The following FRMD4A variants were observed in gnomAD, a reference collection of about 807,000 sequenced individuals.
FRMD4A encodes the protein FERM domain containing 4A.
FRMD4A carries 29 observed loss-of-function variants against 129.1 expected under a neutral mutation model. That is an observed-to-expected ratio of 0.22 (90% confidence interval 0.17 to 0.31). The LOEUF is 0.31. Ranked by LOEUF, FRMD4A falls within the 10% of genes least tolerant of loss-of-function variation. The pLI, the probability that FRMD4A is intolerant of heterozygous loss-of-function variation, is 1.00. For synonymous variants in FRMD4A, 634 were observed against 571.6 expected (o/e 1.11, Z -1.56); for missense variants, 1,272 against 1,375.8 (o/e 0.92, Z 1.19).
At chr10:14,041,176 T>C (rs1588851235) in intron 2 of FRMD4A, among the ~76,000 whole-genome samples, 1 of 152,256 alleles carries the variant, frequency 6.6e-6, no homozygotes, top group Non-Finnish European at 1.5e-5. Context: ...GTTTTCTTGC[T>C]GAAATTGGAC....
chr10:14,157,232 C>CA (rs1366782197), intron 2 of FRMD4A, among the ~76,000 whole-genome samples: 1 of 152,200 alleles, frequency 6.6e-6, no homozygotes, highest in African/African-American at 2.4e-5. Context: ...TGAACCTACA[C>CA]AGTCTTCATA....
chr10:13,777,306 G>A (rs185018244), intron 6 of FRMD4A, among the ~76,000 whole-genome samples: 2 of 152,212 alleles, frequency 1.3e-5, no homozygotes, highest in Admixed American at 6.5e-5. Flanking sequence ...TCCATCTCAC[G>A]CAGAGATGCT....
chr10:14,133,971 C>T (rs1839400093), intron 2 of FRMD4A, among the ~76,000 whole-genome samples: 1 of 152,184 alleles, frequency 6.6e-6, no homozygotes, highest in Non-Finnish European at 1.5e-5. Flanking sequence ...GAACTTGTTT[C>T]TTGGTATCTG....
intron 2 of FRMD4A, among the ~76,000 whole-genome samples, chr10:14,012,732 A>G (rs1196576197): frequency 2.0e-5 from 3 of 152,108 alleles, no homozygotes; most frequent in Non-Finnish European, 2.9e-5. Flanking sequence ...CAGCCTGGTC[A>G]TTGCAGCCCA....
chr10:13,777,829 C>T (rs1415509290), intron 6 of FRMD4A, among the ~76,000 whole-genome samples: 8 of 124,882 alleles, frequency 6.4e-5, no homozygotes, highest in Admixed American at 1.1e-4. Flanking sequence ...GACGGAGTCT[C>T]GCTCTGGCAC....
At chr10:13,985,459 T>G (rs2095577704) in intron 2 of FRMD4A, among the ~76,000 whole-genome samples, 1 of 152,194 alleles carries the variant, frequency 6.6e-6, no homozygotes. Context: ...TTAAATCTCC[T>G]TGAATGTAGG....
intron 2 of FRMD4A, among the ~76,000 whole-genome samples, chr10:14,229,664 C>A (rs1369708704): frequency 6.6e-6 from 1 of 152,204 alleles, no homozygotes; most frequent in East Asian, 1.9e-4. Flanking sequence ...GTCTTGAACT[C>A]GCGGGCACAA....
chr10:14,153,774 GA>G (rs1840460406), intron 2 of FRMD4A, among the ~76,000 whole-genome samples: 1 of 152,210 alleles, frequency 6.6e-6, no homozygotes. Flanking sequence ...AGCACTGGCA[GA>G]AAGTCGGAGG....
rs1189489316 is a variant in FRMD4A at position 13,944,168 on chromosome 10, A to T, written c.46-85256T>A. 2.0e-5 allele frequency among the ~76,000 whole-genome samples: 3 copies of T among 152,294 alleles called. No individual in the cohort carries two copies. In the South Asian group the frequency reaches 6.2e-4, roughly 32 times the overall value. On this transcript the variant is annotated intron_variant, in intron 2 of 24. Transcript: ENST00000357447. ...GGCCACAGACTGGCTGCACAGCAGGAGGCGAGCCGTGAGAGAGTGAAGCTT... is the reference window on the plus strand; with the variant it reads ...GGCCACAGACTGGCTGCACAGCAGGTGGCGAGCCGTGAGAGAGTGAAGCTT...
chr10:13,926,045 G>A (rs2095130405), intron 2 of FRMD4A, among the ~76,000 whole-genome samples: 1 of 152,162 alleles, frequency 6.6e-6, no homozygotes, highest in African/African-American at 2.4e-5. Context: ...TGTTCATCGT[G>A]TGTGGTTCAA....
intron 6 of FRMD4A, 79 bp from the exon 7 acceptor site, chr10:13,762,759 T>C (rs2092124709): frequency 1.2e-6 from 1 of 853,670 alleles, no homozygotes; most frequent in Non-Finnish European, 2.0e-6. Flanking sequence ...ATGACAGCTC[T>C]TCTTCGGGAG....
intron 2 of FRMD4A, among the ~76,000 whole-genome samples, chr10:13,860,552 C>T (rs1027074114): frequency 3.9e-5 from 6 of 152,124 alleles, no homozygotes; most frequent in African/African-American, 1.2e-4. Context: ...GTATAGTCCC[C>T]ATTAAATACA....
chr10:13,887,723 C>T (rs1443369447), intron 2 of FRMD4A, among the ~76,000 whole-genome samples: 4 of 152,064 alleles, frequency 2.6e-5, no homozygotes, highest in South Asian at 2.1e-4. Flanking sequence ...CTCATTAGCC[C>T]CCCAAATAAG....
At chr10:14,101,740 A>G (rs1837314456) in intron 2 of FRMD4A, among the ~76,000 whole-genome samples, 1 of 146,662 alleles carries the variant, frequency 6.8e-6, no homozygotes, top group African/African-American at 2.7e-5. Flanking sequence ...ACAACACAAC[A>G]CAACACAACA....
chr10:13,730,576 T>C (rs1408503114), intron 12 of FRMD4A, among the ~76,000 whole-genome samples: 1 of 152,176 alleles, frequency 6.6e-6, no homozygotes, highest in Non-Finnish European at 1.5e-5. Context: ...ACTGTCTCAT[T>C]GTCTCCTGAG....
At chr10:13,728,681 C>T (rs1437006239) in intron 12 of FRMD4A, among the ~76,000 whole-genome samples, 1 of 149,140 alleles carries the variant, frequency 6.7e-6, no homozygotes, top group Non-Finnish European at 1.5e-5. Context: ...AGCAATTCTC[C>T]TGTCTCAGCC....
chr10:13,868,196 G>C (rs891532246), intron 2 of FRMD4A, among the ~76,000 whole-genome samples: 1 of 151,182 alleles, frequency 6.6e-6, no homozygotes, highest in African/African-American at 2.4e-5. Flanking sequence ...AAAGGCCAAA[G>C]GTTGATTGTA....
At chr10:13,830,993 T>A (rs1039154234) in intron 3 of FRMD4A, among the ~76,000 whole-genome samples, 4 of 152,182 alleles carry the variant, frequency 2.6e-5, no homozygotes, top group African/African-American at 9.7e-5. Flanking sequence ...TTTTGCCATG[T>A]TGGCCAGGCT....
intron 13 of FRMD4A, 35 bp downstream of exon 13, chr10:13,707,002 C>T (rs769592831): frequency 2.5e-5 from 28 of 1,117,972 alleles, no homozygotes; most frequent in Non-Finnish European, 3.3e-5. Context: ...CCGAGAGCCA[C>T]GCCATCCCGC....
Sources: gnomAD v4.1 joint callset for allele counts (sites outside exome capture counted in the v4.1 genomes callset) on GRCh38, gnomAD v4.1.1 for gene constraint, MANE v1.5 for transcripts, NCBI Gene and HGNC (gene_info 2026-07-23, HGNC 2026-07-21) for gene names.